The following CACNA2D4 variants were observed in gnomAD, a reference collection of about 807,000 sequenced individuals.
The protein encoded by CACNA2D4 is calcium voltage-gated channel auxiliary subunit alpha2delta 4.
CACNA2D4 carries 157 observed loss-of-function variants against 163.8 expected under a neutral mutation model. The observed-to-expected ratio is 0.96, with a 90% CI of 0.84 to 1.09. The LOEUF is 1.09. Ranked by LOEUF, CACNA2D4 falls within the 50% of genes least tolerant of loss-of-function variation. The pLI, the probability that CACNA2D4 is intolerant of heterozygous loss-of-function variation, is 0.00. For synonymous variants in CACNA2D4, 598 were observed against 586.9 expected, an observed-to-expected ratio of 1.02 and a Z score of -0.27; for missense variants, 1,410 against 1,479.9, an observed-to-expected ratio of 0.95 and a Z score of 0.78.
intron 31 of CACNA2D4, 51 bp from the exon 32 acceptor site, chr12:1,800,489 T>A: frequency 1.3e-6 from 2 of 1,532,998 alleles, no homozygotes; most frequent in Non-Finnish European, 1.8e-6. Flanking sequence ...AGGGTGAGGG[T>A]GCCCCCCCCC....
At chr12:1,867,874 C>T (rs1865688869) in intron 18 of CACNA2D4, among the ~76,000 whole-genome samples, 1 of 152,174 alleles carries the variant, frequency 6.6e-6, no homozygotes, top group Non-Finnish European at 1.5e-5. Context: ...AGCTGCTCAA[C>T]ATCATTGATC....
At chr12:1,868,754 C>T (rs1865708704) in intron 18 of CACNA2D4, among the ~76,000 whole-genome samples, 1 of 152,090 alleles carries the variant, frequency 6.6e-6, no homozygotes, top group African/African-American at 2.4e-5. Flanking sequence ...CCCATATCCA[C>T]AGGTTCCACA....
chr12:1,804,821 A>G (rs1424275318), intron 29 of CACNA2D4, among the ~76,000 whole-genome samples: 1 of 152,226 alleles, frequency 6.6e-6, no homozygotes, highest in Non-Finnish European at 1.5e-5. Flanking sequence ...GCGGATGGGG[A>G]CAGGCTGGGC....
At chr12:1,911,021 A>ATTTTTTTTTTT (rs374264665) in intron 3 of CACNA2D4, among the ~76,000 whole-genome samples, 1 of 133,482 alleles carries the variant, frequency 7.5e-6, no homozygotes, top group Non-Finnish European at 1.6e-5. Context: ...CCGCAATACA[A>ATTTTTTTTTTT]TTTTTTTTTT....
In CACNA2D4 at chr12:1,884,230, G is replaced by C; in HGVS notation, c.1351+13C>G. 1 of 1,609,534 alleles carries C rather than the reference G, an allele frequency of 6.2e-7. No individual in the cohort carries two copies. Among genetic ancestry groups the C allele is most frequent in the South Asian group, 1.1e-5 (1 of 89,620 alleles). On this transcript the variant is annotated intron_variant, in intron 12 of 37. Transcript: ENST00000382722. ...GGTGCAGGTGGGAAGGTACCTGCTG[G>C]CCCGGCACTCACCTTTGTTGTTGCA...
rs561004641 is a variant in CACNA2D4, at chr12:1,795,615, ACCT to A, written c.3226+50_3226+52del. 934 of 1,274,208 alleles carry A rather than the reference ACCT, an allele frequency of 7.3e-4. 5 individuals carry two copies. The African/African-American group carries it at 0.012, about 17-fold the overall frequency. 78.9% of individuals were successfully genotyped at this position (1,274,208 alleles called of 1,614,324 possible). A position where few individuals can be genotyped will look rare whatever the true frequency, so the allele number is the denominator to read the frequency against. On this transcript the variant is annotated intron_variant, in intron 36 of 37. Coordinates refer to ENST00000382722, the MANE Select transcript of CACNA2D4 (RefSeq NM_172364.5). ...TGCTCAAAATCTGAGCCCTACAGAC[ACCT>A]CCTACAGCCCCCGCCCCCACCGCAC...
At chr12:1,876,469 C>T (rs1865883511) in intron 16 of CACNA2D4, among the ~76,000 whole-genome samples, 1 of 152,078 alleles carries the variant, frequency 6.6e-6, no homozygotes, top group Non-Finnish European at 1.5e-5. Context: ...TAACCCCAAT[C>T]AAAAAAGCAA....
chr12:1,865,253 G>A (rs1186909108), intron 18 of CACNA2D4, among the ~76,000 whole-genome samples: 1 of 152,248 alleles, frequency 6.6e-6, no homozygotes. Flanking sequence ...CGCGGAGCCT[G>A]ATGGTCTCGC....
Position 1,875,710 on chromosome 12 carries a change from A to G in CACNA2D4, c.1720-373T>C, listed in dbSNP as rs558100249. Among the ~76,000 whole-genome samples, 2 of 152,316 alleles carry G rather than the reference A, an allele frequency of 1.3e-5. No homozygotes were observed. Among genetic ancestry groups the G allele is most frequent in the Admixed American group, 1.3e-4 (2 of 15,306 alleles). On this transcript the variant is annotated intron_variant, in intron 16 of 37. Coordinates refer to ENST00000382722, the MANE Select transcript of CACNA2D4 (RefSeq NM_172364.5). This position sits in a 1 kb window ranked among gnomAD's most constrained non-coding sequence, Gnocchi z 4.0. ...TCTTCCTTCTTTCCCCTGGAGCTGCATAGAATGTGTTCCACCTGACAGCCC... is the reference window on the plus strand; with the variant it reads ...TCTTCCTTCTTTCCCCTGGAGCTGCGTAGAATGTGTTCCACCTGACAGCCC...
intron 27 of CACNA2D4, among the ~76,000 whole-genome samples, chr12:1,810,976 C>T (rs936309989): frequency 3.3e-5 from 5 of 152,310 alleles, no homozygotes; most frequent in Admixed American, 2.6e-4. Context: ...CCCCAGGCCT[C>T]GTTGCTGGTG....
In CACNA2D4 at chr12:1,834,171, C is replaced by A; in HGVS notation, c.2551+6568G>T. The A allele has an allele frequency of 7.1e-7, 1 of 1,398,870 alleles. No individual in the cohort carries two copies. The highest frequency in any genetic ancestry group is 9.5e-7 in the Non-Finnish European group (1 of 1,049,826). The allele number at this position is 1,398,870 out of a possible 1,614,324, so 86.7% of individuals were successfully genotyped here. A position where few individuals can be genotyped will look rare whatever the true frequency, so the allele number is the denominator to read the frequency against. ...TTGACTACATTGCTGATAAAAACTA[C>A]CTTCTGGGGCTTCCGTTTTGGGGAG... On this transcript the variant is annotated intron_variant, in intron 26 of 37. Coordinates refer to ENST00000382722, the MANE Select transcript of CACNA2D4 (RefSeq NM_172364.5). The surrounding 1 kb of genome is among the most constrained non-coding windows in gnomAD (Gnocchi z 7.6).
At chr12:1,876,601 G>A (rs1159722602) in intron 16 of CACNA2D4, among the ~76,000 whole-genome samples, 3 of 152,046 alleles carry the variant, frequency 2.0e-5, no homozygotes, top group Non-Finnish European at 1.5e-5. Context: ...TCTTGCTTCC[G>A]CCAGTTTTTT....
rs760763578 is a variant in CACNA2D4, at chr12:1,802,072, T to G, written c.2722-428A>C. On this transcript the variant is annotated intron_variant, in intron 29 of 37. Coordinates refer to ENST00000382722, the MANE Select transcript of CACNA2D4 (RefSeq NM_172364.5). This position sits in a 1 kb window ranked among gnomAD's most constrained non-coding sequence, Gnocchi z 4.7. ...GTGTGTGTGTGTGTTGGGTCAGATA[T>G]AAAACACGTTTCTGCAGGTCAAGGT... Among the ~76,000 whole-genome samples the G allele has an allele frequency of 7.3e-5, 11 of 150,240 alleles. No homozygotes were observed. Among genetic ancestry groups the G allele is most frequent in the African/African-American group, 2.5e-4 (10 of 40,736 alleles).
intron 3 of CACNA2D4, among the ~76,000 whole-genome samples, chr12:1,910,355 C>T (rs1431904198): frequency 6.6e-6 from 1 of 152,216 alleles, no homozygotes; most frequent in African/African-American, 2.4e-5. Flanking sequence ...CACATGTTTG[C>T]AAACCCACAG....
In CACNA2D4 at chr12:1,878,821, C is replaced by T. The variant is rs1865933840; in HGVS notation, c.1644+135G>A. 4 of 709,232 alleles carry T rather than the reference C, an allele frequency of 5.6e-6. No individual in the cohort carries two copies. The highest frequency in any genetic ancestry group is 3.7e-5 in the South Asian group (2 of 54,010). The allele number at this position is 709,232 out of a possible 1,614,324, so 43.9% of individuals were successfully genotyped here. A position where few individuals can be genotyped will look rare whatever the true frequency, so the allele number is the denominator to read the frequency against. ...TTGCTGCTCCCCTGCTCAGCACCTG[C>T]ACTTCTTGGGCAGTGATGGAGGGGC... On this transcript the variant is annotated intron_variant, in intron 15 of 37. Transcript: ENST00000382722. This position sits in a 1 kb window ranked among gnomAD's most constrained non-coding sequence, Gnocchi z 4.6.
chr12:1,913,147 G>C lies in CACNA2D4; in HGVS notation c.310-8C>G, dbSNP rs931193038. 1.1e-5 allele frequency: 17 copies of C among 1,589,864 alleles called. No individual in the cohort carries two copies. The highest frequency in any genetic ancestry group is 1.7e-4 in the Middle Eastern group (1 of 6,042). Reference sequence around the variant, plus strand: ...CTCCACATCCTTGTACTTCTGTTTGGGGAAAGTGGGAGAGATGCGTGCATG... The same window carrying C: ...CTCCACATCCTTGTACTTCTGTTTGCGGAAAGTGGGAGAGATGCGTGCATG... On this transcript the variant is annotated splice_polypyrimidine_tract_variant and splice_region_variant and intron_variant, in intron 2 of 37. Transcript: ENST00000382722.
Position 1,883,238 on chromosome 12 carries a change from A to G in CACNA2D4, c.1352-238T>C, listed in dbSNP as rs1183291541. ...TGGAAGATCTCTGAGGGGCTGTCCC[A>G]CCCAGAGCTCCGGAAGGAGCAGCAG... On this transcript the variant is annotated intron_variant, in intron 12 of 37. Coordinates refer to ENST00000382722, the MANE Select transcript of CACNA2D4 (RefSeq NM_172364.5). This position sits in a 1 kb window ranked among gnomAD's most constrained non-coding sequence, Gnocchi z 4.5. 1.3e-5 allele frequency among the ~76,000 whole-genome samples: 2 copies of G among 152,148 alleles called. No individual in the cohort carries two copies. Among genetic ancestry groups the G allele is most frequent in the African/African-American group, 4.8e-5 (2 of 41,440 alleles).
chr12:1,871,245 G>GT (rs1865768777), intron 18 of CACNA2D4, among the ~76,000 whole-genome samples: 1 of 148,346 alleles, frequency 6.7e-6, no homozygotes, highest in Non-Finnish European at 1.5e-5. Flanking sequence ...ATGTGCTGCT[G>GT]GTGTGTGTAC....
chr12:1,860,110 C>A, intron 19 of CACNA2D4, 35 bp downstream of exon 19: 2 of 1,569,322 alleles, frequency 1.3e-6, no homozygotes, highest in Non-Finnish European at 1.8e-6. Flanking sequence ...CATGTTCAAC[C>A]CTCACCCCGT....
Sources: allele counts gnomAD v4.1 joint callset (sites outside exome capture counted in the v4.1 genomes callset), GRCh38; gene constraint gnomAD v4.1.1; non-coding constraint Gnocchi (gnomAD v3.1); transcripts MANE v1.5; gene names NCBI Gene and HGNC (gene_info 2026-07-23, HGNC 2026-07-21).